Variants in SLC25A53 observed in about 807,000 individuals in gnomAD.
The protein encoded by SLC25A53 is mitochondrial carrier triple repeat protein 6.
A neutral mutation model predicts 15.0 loss-of-function variants in SLC25A53; 5 were observed. The observed-to-expected ratio is 0.33, with a 90% CI of 0.17 to 0.70. The LOEUF is 0.70. SLC25A53 is among the 30% of genes least tolerant of loss of function. The pLI, the probability that SLC25A53 is intolerant of heterozygous loss-of-function variation, is 0.67. For synonymous variants in SLC25A53, 95 were observed against 100.0 expected (o/e 0.95, Z 0.30); for missense variants, 216 against 241.6 (o/e 0.89, Z 0.70).
At chrX:104,105,322 C>G (rs2075303891) in intron 1 of SLC25A53, 34 bp from the exon 2 acceptor site, 1 of 951,139 alleles carries the variant, frequency 1.1e-6, no homozygotes, top group African/African-American at 1.9e-5. Flanking sequence ...ATTAGACTGA[C>G]CAATTAATTC....
At chrX:104,125,217 TGG>T (rs1384739985) in intron 1 of SLC25A53, among the ~76,000 whole-genome samples, 1 of 85,534 alleles carries the variant, frequency 1.2e-5, no homozygotes, top group Non-Finnish European at 2.5e-5. Context: ...CAGTCTGGTC[TGG>T]GGTGTGTTCT....
intron 1 of SLC25A53, chrX:104,112,257 G>C (rs1222813299): frequency 1.8e-5 from 2 of 113,081 alleles, no homozygotes; most frequent in Admixed American, 1.9e-4. Context: ...AAGCCCGGAG[G>C]AGAGCCGAGG....
Position 104,102,366 on chromosome X carries a change from G to C in SLC25A53, c.*1968C>G, listed in dbSNP as rs1260325934. On this transcript the variant is annotated 3_prime_UTR_variant, in exon 2 of 2. Coordinates refer to ENST00000594199, the MANE Select transcript of SLC25A53 (RefSeq NM_001012755.5). ...TTGAAACAAATGGTACAGTTGTACA[G>C]TGTGATTCTGTTTGTGAAATTTCAG... 6 of 112,592 alleles carry C rather than the reference G, an allele frequency of 5.3e-5. No individual in the cohort carries two copies. The highest frequency in any genetic ancestry group is 1.1e-4 in the Non-Finnish European group (6 of 53,351). 9.3% of individuals were successfully genotyped at this position (112,592 alleles called of 1,213,427 possible).
In SLC25A53 at chrX:104,102,722, C is replaced by G. The variant is rs782364618; in HGVS notation, c.*1612G>C. 1.1e-4 allele frequency: 12 copies of G among 111,807 alleles called. No homozygotes were observed. In the East Asian group the frequency reaches 3.4e-3, roughly 31 times the overall value. The allele number at this position is 111,807 out of a possible 1,213,427, so 9.2% of individuals were successfully genotyped here. A position where few individuals can be genotyped will look rare whatever the true frequency, so the allele number is the denominator to read the frequency against. On this transcript the variant is annotated 3_prime_UTR_variant, in exon 2 of 2. Coordinates refer to ENST00000594199, the MANE Select transcript of SLC25A53 (RefSeq NM_001012755.5). ...AAGATTTTAAAATGCATACAAAAAT[C>G]CCTGCTTTCAATGAGTTTTACAGTC...
chrX:104,130,762 A>T (rs180964270), intron 1 of SLC25A53: 34 of 110,903 alleles, frequency 3.1e-4, no homozygotes, highest in African/African-American at 1.1e-3. Context: ...AGTCTCTGTC[A>T]TCTTCATAAA....
chrX:104,146,138 C>T (rs868946868), intron 1 of SLC25A53, among the ~76,000 whole-genome samples: 4 of 111,995 alleles, frequency 3.6e-5, no homozygotes, highest in Non-Finnish European at 7.5e-5. Flanking sequence ...CCCTGGGATG[C>T]AAGGCTGGTT....
chrX:104,141,784 C>T (rs181512330), intron 1 of SLC25A53, among the ~76,000 whole-genome samples: 3 of 110,879 alleles, frequency 2.7e-5, no homozygotes, highest in Admixed American at 1.9e-4. Flanking sequence ...GACAGGGTTT[C>T]ACCATGTTGC....
chrX:104,142,577 G>A (rs1328608702), intron 1 of SLC25A53, among the ~76,000 whole-genome samples: 1 of 111,049 alleles, frequency 9.0e-6, no homozygotes, highest in Non-Finnish European at 1.9e-5. Context: ...TCAAAGGCTC[G>A]TCAGCATAGG....
chrX:104,125,264 T>C (rs1446763492), intron 1 of SLC25A53, among the ~76,000 whole-genome samples: 1 of 111,536 alleles, frequency 9.0e-6, no homozygotes. Context: ...TATCTATTCT[T>C]GTTCTTTTTC....
chrX:104,105,083 C>T lies in SLC25A53; in HGVS notation c.175G>A (p.Ala59Thr), dbSNP rs1556355370. 8.2e-7 allele frequency: 1 copy of T among 1,212,300 alleles called. No individual in the cohort carries two copies. Among genetic ancestry groups the T allele is most frequent in the Admixed American group, 2.2e-5 (1 of 46,137 alleles). ...CTCACAGCCTCTGACACTGCCATGGCATGGATCTGTTGCCGGAACACAACC... is the reference window on the plus strand; with the variant it reads ...CTCACAGCCTCTGACACTGCCATGGTATGGATCTGTTGCCGGAACACAACC... ...YKVVFRQQIH[A>T]MAVSEAVRQL... The change falls in exon 2 of 2, where the codon GCC becomes ACC. Residue 59 changes from alanine (A) to threonine (T), a missense_variant. Transcript: ENST00000594199.
chrX:104,144,120 C>A (rs1676310796), intron 1 of SLC25A53, among the ~76,000 whole-genome samples: 1 of 111,985 alleles, frequency 8.9e-6, no homozygotes, highest in Admixed American at 9.5e-5. Context: ...TGGAAAGGAA[C>A]AACCGGTACC....
At chrX:104,129,847 T>G (rs782234643) in intron 1 of SLC25A53, among the ~76,000 whole-genome samples, 1 of 80,277 alleles carries the variant, frequency 1.2e-5, no homozygotes, top group East Asian at 4.0e-4. Context: ...CACATATATA[T>G]CCACACAAAT....
At chrX:104,123,897 T>A (rs782221103) in intron 1 of SLC25A53, among the ~76,000 whole-genome samples, 9 of 107,358 alleles carry the variant, frequency 8.4e-5, no homozygotes, top group African/African-American at 3.0e-4. Flanking sequence ...TGAACTCATC[T>A]TTTTTTATAT....
At position 104,105,077 on chromosome X, in the gene SLC25A53, C is replaced by T. The variant is rs1556355363; in HGVS notation, c.181G>A (p.Ala61Thr). The T allele has an allele frequency of 1.6e-6, 2 of 1,212,310 alleles. No individual in the cohort carries two copies. The highest frequency in any genetic ancestry group is 3.0e-5 in the East Asian group (1 of 33,865). ...AGCTGTCTCACAGCCTCTGACACTGCCATGGCATGGATCTGTTGCCGGAAC... is the reference window on the plus strand; with the variant it reads ...AGCTGTCTCACAGCCTCTGACACTGTCATGGCATGGATCTGTTGCCGGAAC... ...VVFRQQIHAM[A>T]VSEAVRQLWH... Residue 61 changes from alanine (A) to threonine (T), a missense_variant, in exon 2 of 2, where the codon GCA (alanine) becomes ACA (threonine). Coordinates refer to ENST00000594199, the MANE Select transcript of SLC25A53 (RefSeq NM_001012755.5).
intron 1 of SLC25A53, among the ~76,000 whole-genome samples, chrX:104,126,012 A>C (rs1374654314): frequency 8.9e-6 from 1 of 112,081 alleles, no homozygotes; most frequent in Non-Finnish European, 1.9e-5. Context: ...TTTTTCATAG[A>C]TACACACAAG....
chrX:104,099,939 T>C lies in SLC25A53; in HGVS notation c.*4395A>G, dbSNP rs1193375529. On this transcript the variant is annotated 3_prime_UTR_variant, in exon 2 of 2. Transcript: ENST00000594199. Reference sequence around the variant, plus strand: ...GATGAGGGAGGGAGTATTAAAAGATTTGAGGAAAGGAAGATGATATGAAAG... The same window carrying C: ...GATGAGGGAGGGAGTATTAAAAGATCTGAGGAAAGGAAGATGATATGAAAG... 3.6e-5 allele frequency: 4 copies of C among 111,370 alleles called. No individual in the cohort carries two copies. Among genetic ancestry groups the C allele is most frequent in the Non-Finnish European group, 7.5e-5 (4 of 53,023 alleles). 9.2% of individuals were successfully genotyped at this position (111,370 alleles called of 1,213,427 possible). A position where few individuals can be genotyped will look rare whatever the true frequency, so the allele number is the denominator to read the frequency against.
chrX:104,125,426 A>G (rs919993897), intron 1 of SLC25A53, among the ~76,000 whole-genome samples: 25 of 111,582 alleles, frequency 2.2e-4, no homozygotes, highest in Non-Finnish European at 5.6e-5. Flanking sequence ...CAGCTGCTTG[A>G]GAGTTTTCTG....
chrX:104,108,178 A>T (rs1237183569), intron 1 of SLC25A53, among the ~76,000 whole-genome samples: 1 of 111,788 alleles, frequency 8.9e-6, no homozygotes, highest in East Asian at 2.8e-4. Flanking sequence ...TTAAGATGCC[A>T]GGCTTTGGAA....
intron 1 of SLC25A53, among the ~76,000 whole-genome samples, chrX:104,153,261 TA>T (rs59534678): frequency 0.32 from 23,034 of 71,039 alleles, 1,958 homozygotes; most frequent in East Asian, 0.66. Context: ...TATATATATA[TA>T]TTTTTTTTTT....
Sources: allele counts gnomAD v4.1 joint callset (sites outside exome capture counted in the v4.1 genomes callset), GRCh38; gene constraint gnomAD v4.1.1; transcripts MANE v1.5; gene names NCBI Gene and HGNC (gene_info 2026-07-23, HGNC 2026-07-21).